The following PRELID2 variants were observed in gnomAD, a reference collection of about 807,000 sequenced individuals.
PRELID2 encodes the protein PRELI domain containing 2.
Under a neutral mutation model 28.4 loss-of-function variants are expected in PRELID2, and 25 were observed. That is an observed-to-expected ratio of 0.88 (90% CI 0.64 to 1.23). The LOEUF (loss-of-function observed/expected upper bound fraction) is 1.23, where lower values mean the gene tolerates loss of function less well. PRELID2 is among the 50% of genes most tolerant of loss of function. The pLI, the probability that PRELID2 is intolerant of heterozygous loss-of-function variation, is 0.00. For missense variants in PRELID2, 201 were observed against 214.4 expected (o/e 0.94, Z 0.39); for synonymous variants, 76 against 71.6 (o/e 1.06, Z -0.31).
At chr5:145,421,308 G>A in the PRELID2 span, among the ~76,000 whole-genome samples, 2 of 149,254 alleles carry the variant, frequency 1.3e-5, no homozygotes, top group African/African-American at 2.5e-5. Flanking sequence ...AGAAGGAATG[G>A]TACCAGTTCC....
At chr5:145,435,347 C>T in the PRELID2 span, among the ~76,000 whole-genome samples, 1 of 152,064 alleles carries the variant, frequency 6.6e-6, no homozygotes, top group Admixed American at 6.6e-5. Context: ...AGGTAGAGAA[C>T]ATTCCAAACA....
chr5:145,656,529 T>G (rs1430055810), intron 1 of PRELID2, among the ~76,000 whole-genome samples: 3 of 151,986 alleles, frequency 2.0e-5, no homozygotes, highest in Non-Finnish European at 4.4e-5. Context: ...TAGACTGGAT[T>G]CAGAAAATGT....
intron 1 of PRELID2, among the ~76,000 whole-genome samples, chr5:145,640,475 CAA>C (rs56917249): frequency 5.5e-5 from 3 of 54,622 alleles, no homozygotes; most frequent in African/African-American, 1.4e-4. Flanking sequence ...GACTCCGTCT[CAA>C]AAAAAAAAAA....
chr5:145,362,455 A>C, the PRELID2 span, among the ~76,000 whole-genome samples: 1 of 152,076 alleles, frequency 6.6e-6, no homozygotes, highest in South Asian at 2.1e-4. Context: ...GTCATGATTC[A>C]CTTCCTTATT....
At chr5:145,229,420 A>T in the PRELID2 span, 1 of 766,410 alleles carries the variant, frequency 1.3e-6, no homozygotes, top group Non-Finnish European at 2.3e-6. Context: ...CCAAGAACCA[A>T]GTGCCTCCAG....
chr5:145,817,644 T>G (rs1209355891), intron 4 of PRELID2, among the ~76,000 whole-genome samples: 1 of 151,814 alleles, frequency 6.6e-6, no homozygotes, highest in East Asian at 1.9e-4. Context: ...CTGATAACAC[T>G]CACTACTTCT....
chr5:145,412,267 A>G, the PRELID2 span, among the ~76,000 whole-genome samples: 1 of 152,118 alleles, frequency 6.6e-6, no homozygotes. Context: ...TTTTTATGCT[A>G]TATCACCTCT....
chr5:145,660,969 T>C (rs1339798802), intron 1 of PRELID2, among the ~76,000 whole-genome samples: 1 of 152,236 alleles, frequency 6.6e-6, no homozygotes, highest in African/African-American at 2.4e-5. Flanking sequence ...GAAGTATATA[T>C]GTTCAATTGA....
At chr5:145,607,927 C>G (rs1237956151) in intron 1 of PRELID2, among the ~76,000 whole-genome samples, 1 of 152,018 alleles carries the variant, frequency 6.6e-6, no homozygotes, top group Non-Finnish European at 1.5e-5. Flanking sequence ...TAGGTGTTCC[C>G]TGTATTGGGT....
chr5:145,317,170 T>C, the PRELID2 span, among the ~76,000 whole-genome samples: 1 of 152,198 alleles, frequency 6.6e-6, no homozygotes, highest in Non-Finnish European at 1.5e-5. Flanking sequence ...TAATAGGTGC[T>C]TTCAAGCACA....
Position 145,820,013 on chromosome 5 carries a change from AT to A in PRELID2, c.138del (p.Glu46AspfsTer22), listed in dbSNP as rs767032566. On this transcript the variant is annotated frameshift_variant, in exon 3 of 7. Transcript: ENST00000683046. LOFTEE classifies it high-confidence loss of function. Reference protein sequence around the residue: ...SVKIMEEKRDESTGVIYRKRI... With the variant: ...SVKIMEEKRDXSTGVIYRKRI... ...CTCTTTCTGTAGATGACCCCTGTTG[AT>A]TCATCTAAAAAAGAAATTTTTTTAC... 5.7e-6 allele frequency: 9 copies of A among 1,581,162 alleles called. No individual in the cohort carries two copies. The highest frequency in any genetic ancestry group is 7.7e-6 in the Non-Finnish European group (9 of 1,163,384).
intron 1 of PRELID2, among the ~76,000 whole-genome samples, chr5:145,833,646 G>A (rs1206535379): frequency 6.6e-6 from 1 of 152,196 alleles, no homozygotes; most frequent in Non-Finnish European, 1.5e-5. Flanking sequence ...GCAACAAAGT[G>A]TTAACCAGTG....
the PRELID2 span, among the ~76,000 whole-genome samples, chr5:145,447,783 C>A: frequency 1.1e-3 from 144 of 126,538 alleles, no homozygotes; most frequent in African/African-American, 4.3e-3. Flanking sequence ...CATCCATGTC[C>A]CTACAAAGGA....
At chr5:145,660,770 A>G (rs1242608883) in intron 1 of PRELID2, among the ~76,000 whole-genome samples, 2 of 152,224 alleles carry the variant, frequency 1.3e-5, no homozygotes, top group Non-Finnish European at 2.9e-5. Context: ...ACAGTGTCAA[A>G]AGCACTATAC....
At chr5:145,566,069 G>GTGAA (rs2126698322) in intron 1 of PRELID2, among the ~76,000 whole-genome samples, 1 of 152,250 alleles carries the variant, frequency 6.6e-6, no homozygotes, top group Admixed American at 6.5e-5. Flanking sequence ...AAGTAGAAAA[G>GTGAA]TGAATGAAAG....
the PRELID2 span, among the ~76,000 whole-genome samples, chr5:145,278,710 G>C: frequency 6.6e-6 from 1 of 152,094 alleles, no homozygotes; most frequent in African/African-American, 2.4e-5. Context: ...AAGGGGAGGG[G>C]TCCATCCAAG....
the PRELID2 span, among the ~76,000 whole-genome samples, chr5:145,462,176 A>T: frequency 6.6e-6 from 1 of 152,196 alleles, no homozygotes; most frequent in African/African-American, 2.4e-5. Flanking sequence ...AGCTACAGAG[A>T]GCACTGATAC....
At chr5:145,825,500 T>C (rs892231041) in intron 1 of PRELID2, among the ~76,000 whole-genome samples, 2 of 152,152 alleles carry the variant, frequency 1.3e-5, no homozygotes, top group African/African-American at 4.8e-5. Flanking sequence ...ACAGTTCTAG[T>C]TTGTTCATTA....
At position 145,732,461 on chromosome 5, in the gene PRELID2, G is replaced by A. The variant is rs77764870; in HGVS notation, n.70+32470C>T. On this transcript the variant is annotated intron_variant and non_coding_transcript_variant, in intron 1 of 2. Coordinates refer to the PRELID2 transcript ENST00000510259. ...GATGGACATGTTCTATATCCGCACTGTCCTGCACAAATGTGCCACTAGACA... is the reference window on the plus strand; with the variant it reads ...GATGGACATGTTCTATATCCGCACTATCCTGCACAAATGTGCCACTAGACA... Among the ~76,000 whole-genome samples the A allele has an allele frequency of 1.6e-3, 249 of 152,286 alleles. 2 individuals carry two copies. Among genetic ancestry groups the A allele is most frequent in the African/African-American group, 5.5e-3 (229 of 41,552 alleles).
Sources: allele counts gnomAD v4.1 joint callset (sites outside exome capture counted in the v4.1 genomes callset), GRCh38; gene constraint gnomAD v4.1.1; transcripts MANE v1.5; gene names NCBI Gene and HGNC (gene_info 2026-07-23, HGNC 2026-07-21).